ETFA: variants seen among roughly 807,000 people sequenced by gnomAD.
ETFA encodes electron transfer flavoprotein subunit alpha.
A neutral mutation model predicts 46.2 loss-of-function variants in ETFA; 22 were observed. The ratio of observed to expected loss-of-function variants is 0.48; its 90% CI spans 0.34 to 0.68. The LOEUF is 0.68. Ranked by LOEUF, ETFA falls within the 30% of genes least tolerant of loss-of-function variation. The pLI, the probability that ETFA is intolerant of heterozygous loss-of-function variation, is 0.01. For synonymous variants in ETFA, 131 were observed against 139.9 expected, an observed-to-expected ratio of 0.94 and a Z score of 0.45; for missense variants, 345 against 401.1, an observed-to-expected ratio of 0.86 and a Z score of 1.19.
intron 9 of ETFA, chr15:76,259,912 G>A (rs1438679935): frequency 3.2e-6 from 4 of 1,262,094 alleles, no homozygotes; most frequent in East Asian, 4.6e-5. Context: ...CGGGGATGGG[G>A]TGACAGCCTT....
At chr15:76,233,890 G>A (rs1363335987) in intron 9 of ETFA, among the ~76,000 whole-genome samples, 1 of 152,170 alleles carries the variant, frequency 6.6e-6, no homozygotes, top group Non-Finnish European at 1.5e-5. Flanking sequence ...GCAAATTCAA[G>A]TCTTAAAAGC....
chr15:76,224,352 G>A (rs2038984497), intron 11 of ETFA, among the ~76,000 whole-genome samples: 3 of 152,282 alleles, frequency 2.0e-5, no homozygotes, highest in South Asian at 4.1e-4. Flanking sequence ...TACTGAAGAG[G>A]GGTAATGTTT....
chr15:76,303,519 G>A (rs927029101), intron 1 of ETFA, among the ~76,000 whole-genome samples: 3 of 151,782 alleles, frequency 2.0e-5, no homozygotes, highest in African/African-American at 7.3e-5. Flanking sequence ...TATCAACAAA[G>A]TAAACAGACA....
At chr15:76,234,331 C>G (rs921417509) in intron 9 of ETFA, among the ~76,000 whole-genome samples, 1 of 152,082 alleles carries the variant, frequency 6.6e-6, no homozygotes, top group Non-Finnish European at 1.5e-5. Context: ...ATATCTTAGT[C>G]TAATTCCTCA....
intron 8 of ETFA, among the ~76,000 whole-genome samples, chr15:76,280,610 T>C (rs1023795983): frequency 7.2e-5 from 11 of 152,194 alleles, no homozygotes; most frequent in African/African-American, 2.4e-4. Context: ...TGTTAGATCA[T>C]GTCATTCTTC....
chr15:76,300,041 C>T (rs1254321439), intron 1 of ETFA, among the ~76,000 whole-genome samples: 1 of 152,128 alleles, frequency 6.6e-6, no homozygotes, highest in Non-Finnish European at 1.5e-5. Context: ...TTGCCCTCAC[C>T]CAAATTACCA....
Position 76,283,884 on chromosome 15 carries a change from T to C in ETFA, c.665-59A>G. The C allele has an allele frequency of 2.3e-6, 3 of 1,291,452 alleles. 1 individual carries two copies. In the South Asian group the frequency reaches 3.7e-5, roughly 16 times the overall value. 80.0% of individuals were successfully genotyped at this position (1,291,452 alleles called of 1,614,324 possible). A position where few individuals can be genotyped will look rare whatever the true frequency, so the allele number is the denominator to read the frequency against. ...AAACATCAAATACATTCTGGAACAA[T>C]TTTGCTATTTTATATACTGGAGTAA... On this transcript the variant is annotated intron_variant, in intron 7 of 11. Transcript: ENST00000557943.
intron 9 of ETFA, among the ~76,000 whole-genome samples, chr15:76,267,532 A>T (rs1440934030): frequency 1.3e-5 from 2 of 152,010 alleles, no homozygotes; most frequent in African/African-American, 4.8e-5. Context: ...AAAAGCCCCC[A>T]CTGGAGCAGC....
At chr15:76,262,450 C>T (rs1457615798) in intron 9 of ETFA, among the ~76,000 whole-genome samples, 2 of 147,784 alleles carry the variant, frequency 1.4e-5, no homozygotes, top group East Asian at 3.9e-4. Context: ...AGACACACCC[C>T]TAGGTATACC....
At chr15:76,296,789 T>A (rs1428945183) in intron 1 of ETFA, among the ~76,000 whole-genome samples, 2 of 152,206 alleles carry the variant, frequency 1.3e-5, no homozygotes, top group Non-Finnish European at 2.9e-5. Context: ...TGAACAAGAA[T>A]GGTCCCTGTA....
intron 9 of ETFA, among the ~76,000 whole-genome samples, chr15:76,238,861 T>G (rs572433257): frequency 7.9e-5 from 12 of 152,218 alleles, no homozygotes; most frequent in Admixed American, 5.9e-4. Context: ...CTGTGGCTCT[T>G]TTCTCAAACA....
intron 2 of ETFA, among the ~76,000 whole-genome samples, chr15:76,293,681 C>G (rs1164575781): frequency 6.6e-6 from 1 of 152,206 alleles, no homozygotes; most frequent in African/African-American, 2.4e-5. Context: ...CAAACTGATT[C>G]ATTGATTCAC....
chr15:76,248,159 A>G (rs2039261347), intron 9 of ETFA, among the ~76,000 whole-genome samples: 1 of 152,240 alleles, frequency 6.6e-6, no homozygotes, highest in African/African-American at 2.4e-5. Context: ...ACTTTATTAT[A>G]AAGCTTAAGT....
intron 9 of ETFA, among the ~76,000 whole-genome samples, chr15:76,251,226 T>C (rs977998515): frequency 2.0e-5 from 3 of 152,126 alleles, no homozygotes; most frequent in Non-Finnish European, 4.4e-5. Context: ...AATGGAACAC[T>C]GTCTCAAAGA....
intron 9 of ETFA, among the ~76,000 whole-genome samples, chr15:76,247,747 T>A (rs1440169115): frequency 6.6e-6 from 1 of 152,236 alleles, no homozygotes; most frequent in Non-Finnish European, 1.5e-5. Context: ...GTTTCCACAC[T>A]ATTCTGTCCA....
chr15:76,274,249 T>C (rs2141515997), intron 9 of ETFA, 163 bp downstream of exon 9: 1 of 656,410 alleles, frequency 1.5e-6, no homozygotes, highest in Non-Finnish European at 2.8e-6. Context: ...TTTACTAGGA[T>C]CAAGAACTAC....
At position 76,287,960 on chromosome 15, in the gene ETFA, A is replaced by G; in HGVS notation, c.352-15T>C. ...GGCAAAAGGTTCTAAAAGCAAAATA[A>G]GCAGTGAGTTAACACACATACATAG... is the stretch of plus-strand genomic sequence containing the variant. On this transcript the variant is annotated splice_polypyrimidine_tract_variant and intron_variant, in intron 4 of 11. Coordinates refer to ENST00000557943, the MANE Select transcript of ETFA (RefSeq NM_000126.4). The G allele has an allele frequency of 6.4e-7, 1 of 1,567,872 alleles. No individual in the cohort carries two copies. Among genetic ancestry groups the G allele is most frequent in the Non-Finnish European group, 8.8e-7 (1 of 1,138,016 alleles).
chr15:76,300,397 G>C (rs11636278), intron 1 of ETFA, among the ~76,000 whole-genome samples: 43,481 of 151,980 alleles, frequency 0.29, 6,693 homozygotes, highest in East Asian at 0.58. Flanking sequence ...AGAGAATCAT[G>C]TCTGGGTTTT....
At chr15:76,252,110 T>G (rs1472991348) in intron 9 of ETFA, among the ~76,000 whole-genome samples, 1 of 152,212 alleles carries the variant, frequency 6.6e-6, no homozygotes, top group African/African-American at 2.4e-5. Context: ...AAAACCAAAT[T>G]TGCAGCCCAC....
Sources: allele counts gnomAD v4.1 joint callset (sites outside exome capture counted in the v4.1 genomes callset), GRCh38; gene constraint gnomAD v4.1.1; transcripts MANE v1.5; gene names NCBI Gene and HGNC (gene_info 2026-07-23, HGNC 2026-07-21).